Variants in FRMD4A observed in about 807,000 individuals in gnomAD.
The protein encoded by FRMD4A is FERM domain containing 4A, also known as FERM domain-containing protein 4A.
A neutral mutation model predicts 129.1 loss-of-function variants in FRMD4A; 29 were observed. That is an observed-to-expected ratio of 0.22 (90% confidence interval 0.17 to 0.31). The LOEUF (loss-of-function observed/expected upper bound fraction) is 0.31, where lower values mean the gene tolerates loss of function less well. FRMD4A is among the 10% of genes least tolerant of loss of function. The pLI, the probability that FRMD4A is intolerant of heterozygous loss-of-function variation, is 1.00. For missense variants in FRMD4A, 1,272 were observed against 1,375.8 expected (o/e 0.92, Z 1.19); for synonymous variants, 634 against 571.6 (o/e 1.11, Z -1.56).
intron 2 of FRMD4A, among the ~76,000 whole-genome samples, chr10:13,903,347 C>T (rs186130648): frequency 7.6e-4 from 116 of 152,268 alleles, no homozygotes; most frequent in Middle Eastern, 3.4e-3. Context: ...CCTGTCCTTC[C>T]CACGAGAGCA....
At chr10:14,204,047 A>G (rs1158901014) in intron 2 of FRMD4A, among the ~76,000 whole-genome samples, 1 of 152,224 alleles carries the variant, frequency 6.6e-6, no homozygotes, top group Admixed American at 6.5e-5. Flanking sequence ...AGGCATTAGA[A>G]AAGCTAGTCA....
intron 5 of FRMD4A, among the ~76,000 whole-genome samples, chr10:13,783,373 G>T (rs2092781591): frequency 6.6e-6 from 1 of 151,972 alleles, no homozygotes; most frequent in Non-Finnish European, 1.5e-5. Context: ...TCATTGAGTT[G>T]GATTTTCTTT....
At chr10:13,703,108 C>T (rs1024448458) in intron 13 of FRMD4A, among the ~76,000 whole-genome samples, 13 of 151,506 alleles carry the variant, frequency 8.6e-5, no homozygotes, top group Non-Finnish European at 1.6e-4. Flanking sequence ...CTTTTTTTTC[C>T]CCCCAGAAAA....
intron 2 of FRMD4A, among the ~76,000 whole-genome samples, chr10:14,280,808 A>G (rs1281155221): frequency 1.3e-5 from 2 of 152,054 alleles, no homozygotes; most frequent in Admixed American, 6.6e-5. Flanking sequence ...ACCAAGTCCA[A>G]TCTTCTCTAT....
chr10:13,679,816 G>C (rs1046554915), intron 15 of FRMD4A, among the ~76,000 whole-genome samples: 1 of 152,106 alleles, frequency 6.6e-6, no homozygotes, highest in Admixed American at 6.5e-5. Context: ...GCTGCTACCT[G>C]CAACTAAGCA....
chr10:13,663,156 C>T (rs1241001260), intron 19 of FRMD4A, among the ~76,000 whole-genome samples: 1 of 150,776 alleles, frequency 6.6e-6, no homozygotes, highest in African/African-American at 2.4e-5. Context: ...TACCACTGCA[C>T]TCCAGCCTGG....
At chr10:13,956,199 C>T (rs1239330023) in intron 2 of FRMD4A, among the ~76,000 whole-genome samples, 2 of 152,146 alleles carry the variant, frequency 1.3e-5, no homozygotes, top group Non-Finnish European at 2.9e-5. Context: ...GTCACCCAGG[C>T]TGGAGTGCAG....
At chr10:14,081,460 G>C (rs2614143) in intron 2 of FRMD4A, among the ~76,000 whole-genome samples, 1 of 151,874 alleles carries the variant, frequency 6.6e-6, no homozygotes, top group Admixed American at 6.6e-5. Context: ...CTCCTGTGCA[G>C]TGGCAGAATT....
At chr10:14,200,707 A>G (rs956482720) in intron 2 of FRMD4A, among the ~76,000 whole-genome samples, 7 of 152,174 alleles carry the variant, frequency 4.6e-5, no homozygotes, top group African/African-American at 1.7e-4. Context: ...CCTTCCATAC[A>G]GTCTGCGTGG....
Position 13,705,730 on chromosome 10 carries a change from C to T in FRMD4A, c.836+1307G>A, listed in dbSNP as rs117258546. The stretch of plus-strand genomic sequence containing the variant: ...TGCTCCATGGAGTGGGGCTTCTGGC[C>T]GCGAAACCCCTTGCAGGGCCCTGAG... On this transcript the variant is annotated intron_variant, in intron 13 of 24. Transcript: ENST00000357447. 0.013 allele frequency among the ~76,000 whole-genome samples: 1,946 copies of T among 152,194 alleles called. 97 individuals are homozygous for T. The South Asian group carries it at 0.13, about 10-fold the overall frequency.
At chr10:13,649,616 GTGCTTCCACATAGTTA>G (rs2081385515) in intron 24 of FRMD4A, 1 of 152,210 alleles carries the variant, frequency 6.6e-6, no homozygotes, top group Non-Finnish European at 1.5e-5. Context: ...ATCTTTCTTA[GTGCTTCCACATAGTTA>G]TTGAAGTACG....
At chr10:13,830,821 G>C (rs1040617004) in intron 3 of FRMD4A, among the ~76,000 whole-genome samples, 2 of 152,062 alleles carry the variant, frequency 1.3e-5, no homozygotes, top group Non-Finnish European at 2.9e-5. Flanking sequence ...ACAGAGTCTC[G>C]CTCTGTCACC....
chr10:14,144,041 A>C (rs1169614001), intron 2 of FRMD4A, among the ~76,000 whole-genome samples: 1 of 152,312 alleles, frequency 6.6e-6, no homozygotes, highest in Admixed American at 6.5e-5. Context: ...TTTAAGAGTT[A>C]GAATAAAATG....
At chr10:14,084,776 C>T (rs918258109) in intron 2 of FRMD4A, among the ~76,000 whole-genome samples, 1 of 152,146 alleles carries the variant, frequency 6.6e-6, no homozygotes, top group Non-Finnish European at 1.5e-5. Flanking sequence ...TATTTGAACT[C>T]GTTTGAACCA....
rs1440857804 is a variant in FRMD4A at position 13,678,858 on chromosome 10, G to C, written c.1118-3814C>G. Among the ~76,000 whole-genome samples the C allele has an allele frequency of 2.6e-5, 4 of 152,154 alleles. No homozygotes were observed. The East Asian group carries it at 7.7e-4, about 29-fold the overall frequency. ...ATATAATGTATGGTAATCAGATCAG[G>C]ATAATTAGCATATCCATTATCCAAA... is the stretch of plus-strand genomic sequence containing the variant. On this transcript the variant is annotated intron_variant, in intron 15 of 24. Transcript: ENST00000357447.
intron 15 of FRMD4A, among the ~76,000 whole-genome samples, chr10:13,691,231 G>A (rs977127431): frequency 9.2e-5 from 14 of 152,264 alleles, no homozygotes; most frequent in African/African-American, 2.6e-4. Flanking sequence ...CAAGCGATCC[G>A]CCTGCCTTGG....
intron 2 of FRMD4A, among the ~76,000 whole-genome samples, chr10:14,328,626 ATGTG>A (rs58681647): frequency 0.045 from 6,431 of 142,182 alleles, 262 homozygotes; most frequent in African/African-American, 0.11. Context: ...ATACATATGC[ATGTG>A]TGTGTGTGTG....
At chr10:13,782,275 A>G (rs956436970) in intron 6 of FRMD4A, among the ~76,000 whole-genome samples, 2 of 152,116 alleles carry the variant, frequency 1.3e-5, no homozygotes, top group African/African-American at 4.8e-5. Context: ...GACCTGTCTA[A>G]GTTGACTGGT....
chr10:14,225,622 G>A (rs1001535961), intron 2 of FRMD4A, among the ~76,000 whole-genome samples: 7 of 152,192 alleles, frequency 4.6e-5, no homozygotes, highest in African/African-American at 1.2e-4. Flanking sequence ...ATCCCCTCCC[G>A]ATTGTGAGGA....
Sources: allele counts gnomAD v4.1 joint callset (sites outside exome capture counted in the v4.1 genomes callset), GRCh38; gene constraint gnomAD v4.1.1; transcripts MANE v1.5; gene names NCBI Gene and HGNC (gene_info 2026-07-23, HGNC 2026-07-21).